GXYLT2: variants seen among roughly 807,000 people sequenced by gnomAD.
GXYLT2 encodes the protein glucoside xylosyltransferase 2, also known as glycosyltransferase 8 domain containing 4.
A neutral mutation model predicts 45.8 loss-of-function variants in GXYLT2; 53 were observed. The observed-to-expected ratio is 1.16, with a 90% confidence interval of 0.93 to 1.46. The LOEUF (loss-of-function observed/expected upper bound fraction) is 1.46. Ranked by LOEUF, GXYLT2 falls within the 40% of genes most tolerant of loss-of-function variation. The probability of loss-of-function intolerance (pLI) is 0.00; values close to 1 mark genes in which losing one functional copy is unlikely to be tolerated. For missense variants in GXYLT2, 551 were observed against 544.4 expected, an observed-to-expected ratio of 1.01 and a Z score of -0.12; for synonymous variants, 219 against 214.2, an observed-to-expected ratio of 1.02 and a Z score of -0.19.
intron 5 of GXYLT2, among the ~76,000 whole-genome samples, chr3:72,961,677 A>AGG (rs1710773801): frequency 3.7e-5 from 4 of 106,716 alleles, no homozygotes; most frequent in Non-Finnish European, 5.1e-5. Flanking sequence ...AAAAAAAAAG[A>AGG]GAGAGAGAGA....
At chr3:72,950,062 C>CTTGGTGGCTT (rs1255260940) in intron 3 of GXYLT2, among the ~76,000 whole-genome samples, 2 of 97,318 alleles carry the variant, frequency 2.1e-5, no homozygotes, top group Non-Finnish European at 4.1e-5. Context: ...GCAGGCCAGG[C>CTTGGTGGCTT]ATGTAATCCC....
At chr3:72,896,336 A>G (rs900497659) in intron 1 of GXYLT2, among the ~76,000 whole-genome samples, 2 of 152,240 alleles carry the variant, frequency 1.3e-5, no homozygotes, top group African/African-American at 4.8e-5. Flanking sequence ...GCACTTTGGG[A>G]GGCTGAGGCA....
Position 72,975,368 on chromosome 3 carries a change from G to GTAA in GXYLT2, c.*209_*210insTAA. The GTAA allele has an allele frequency of 3.2e-6, 1 of 314,916 alleles. No individual in the cohort carries two copies. The highest frequency in any genetic ancestry group is 5.2e-6 in the Non-Finnish European group (1 of 191,024). The allele number at this position is 314,916 out of a possible 1,614,324, so 19.5% of individuals were successfully genotyped here. A position where few individuals can be genotyped will look rare whatever the true frequency, so the allele number is the denominator to read the frequency against. On this transcript the variant is annotated 3_prime_UTR_variant, in exon 7 of 7. Coordinates refer to ENST00000389617, the MANE Select transcript of GXYLT2 (RefSeq NM_001080393.2). ...TTTCTAAAATGCTATTTATCTCTAA[G>GTAA]GAAAAAAAAAAAAGACTATTACTCA...
chr3:72,913,313 C>T (rs575975155), intron 2 of GXYLT2, among the ~76,000 whole-genome samples: 2 of 151,038 alleles, frequency 1.3e-5, no homozygotes, highest in Non-Finnish European at 1.5e-5. Context: ...GCTGGGATTA[C>T]AAGCGTGAGC....
intron 2 of GXYLT2, among the ~76,000 whole-genome samples, chr3:72,913,035 G>GTT (rs554995110): frequency 1.2e-4 from 16 of 134,820 alleles, no homozygotes; most frequent in African/African-American, 4.1e-4. Flanking sequence ...TTTTTTTTTT[G>GTT]TTTTTTTTTT....
chr3:72,921,962 C>T (rs1014436612), intron 2 of GXYLT2, among the ~76,000 whole-genome samples: 2 of 152,114 alleles, frequency 1.3e-5, no homozygotes, highest in Admixed American at 6.5e-5. Context: ...TTGTTCAAAT[C>T]TATACTCCCC....
intron 1 of GXYLT2, among the ~76,000 whole-genome samples, chr3:72,907,366 T>A (rs1020649358): frequency 6.6e-6 from 1 of 152,224 alleles, no homozygotes; most frequent in South Asian, 2.1e-4. Context: ...CAGTGAATAA[T>A]GGAGCAGCAA....
intron 3 of GXYLT2, chr3:72,929,510 C>T: frequency 7.3e-7 from 1 of 1,377,906 alleles, no homozygotes; most frequent in Non-Finnish European, 1.0e-6. Context: ...ACGTGACCAA[C>T]TTGTGCAAGA....
intron 5 of GXYLT2, among the ~76,000 whole-genome samples, chr3:72,961,399 G>A (rs777614458): frequency 5.3e-5 from 8 of 152,090 alleles, no homozygotes; most frequent in Non-Finnish European, 8.8e-5. Context: ...ATGATCACAC[G>A]AGTCAAATCA....
intron 2 of GXYLT2, among the ~76,000 whole-genome samples, chr3:72,914,527 A>ATGTG (rs141322523): frequency 0.01 from 1,504 of 149,892 alleles, 24 homozygotes; most frequent in African/African-American, 0.033. Flanking sequence ...TTACATATAT[A>ATGTG]TGTGTGTGTG....
At chr3:72,937,151 G>A (rs533883784) in intron 3 of GXYLT2, among the ~76,000 whole-genome samples, 6 of 152,086 alleles carry the variant, frequency 3.9e-5, no homozygotes, top group Middle Eastern at 3.4e-3. Flanking sequence ...CCCTAATTGC[G>A]AGGAATAACC....
At chr3:72,956,212 C>G (rs1407110102) in intron 4 of GXYLT2, among the ~76,000 whole-genome samples, 1 of 151,740 alleles carries the variant, frequency 6.6e-6, no homozygotes, top group African/African-American at 2.4e-5. Flanking sequence ...CTGCACTTCA[C>G]CCTAAACAAC....
chr3:72,936,285 C>G (rs1226150071), intron 3 of GXYLT2, among the ~76,000 whole-genome samples: 2 of 147,514 alleles, frequency 1.4e-5, no homozygotes, highest in African/African-American at 5.0e-5. Flanking sequence ...GAGCAAGACT[C>G]CATCTCAAAA....
At chr3:72,938,590 C>T (rs1033689133) in intron 3 of GXYLT2, among the ~76,000 whole-genome samples, 6 of 152,170 alleles carry the variant, frequency 3.9e-5, no homozygotes, top group Admixed American at 6.5e-5. Context: ...GGAATGTCTA[C>T]AGCCAACAAG....
intron 1 of GXYLT2, among the ~76,000 whole-genome samples, chr3:72,902,340 A>G (rs113918998): frequency 1.3e-3 from 191 of 152,346 alleles, no homozygotes; most frequent in African/African-American, 4.4e-3. Flanking sequence ...CATCCTAAGT[A>G]CATTTATTTT....
At chr3:72,922,670 C>T (rs535822379) in intron 3 of GXYLT2, among the ~76,000 whole-genome samples, 2 of 152,270 alleles carry the variant, frequency 1.3e-5, no homozygotes, top group South Asian at 2.1e-4. Flanking sequence ...ATAGCTGGCC[C>T]TCAATAAATA....
chr3:72,955,066 C>G (rs1398638901), intron 3 of GXYLT2, 32 bp from the exon 4 acceptor site: 4 of 1,604,042 alleles, frequency 2.5e-6, no homozygotes, highest in Non-Finnish European at 3.4e-6. Flanking sequence ...CTTCCCTCCT[C>G]TCCCCTTTAC....
At chr3:72,944,217 A>G (rs1306627929) in intron 3 of GXYLT2, among the ~76,000 whole-genome samples, 2 of 150,126 alleles carry the variant, frequency 1.3e-5, no homozygotes, top group South Asian at 2.1e-4. Flanking sequence ...CCTCCCAAGT[A>G]GCTAGGACCA....
intron 3 of GXYLT2, among the ~76,000 whole-genome samples, chr3:72,942,133 G>C (rs1477799659): frequency 1.3e-5 from 2 of 152,068 alleles, no homozygotes; most frequent in African/African-American, 2.4e-5. Context: ...AGAGGTAGGA[G>C]CCAACCTGAA....
Sources: gnomAD v4.1 joint callset for allele counts (sites outside exome capture counted in the v4.1 genomes callset) on GRCh38, gnomAD v4.1.1 for gene constraint, MANE v1.5 for transcripts, NCBI Gene and HGNC (gene_info 2026-07-23, HGNC 2026-07-21) for gene names.